GPIHBP1: variants seen among roughly 807,000 people sequenced by gnomAD.
The protein encoded by GPIHBP1 is glycosylphosphatidylinositol anchored high density lipoprotein binding protein 1, also known as glycosylphosphatidylinositol-anchored high density lipoprotein-binding protein 1.
In GPIHBP1, 11 loss-of-function variants were observed where a neutral mutation model predicts 13.0. The observed-to-expected ratio is 0.84, with a 90% CI of 0.53 to 1.40. The LOEUF is 1.40. Ranked by LOEUF, GPIHBP1 falls within the 40% of genes most tolerant of loss-of-function variation. The pLI is 0.00. For missense variants in GPIHBP1, 231 were observed against 241.1 expected, an observed-to-expected ratio of 0.96 and a Z score of 0.28; for synonymous variants, 106 against 102.2, an observed-to-expected ratio of 1.04 and a Z score of -0.22.
At chr8:143,213,788 T>A in intron 1 of GPIHBP1, 34 bp from the exon 2 acceptor site, 1 of 1,574,392 alleles carries the variant, frequency 6.4e-7, no homozygotes, top group Non-Finnish European at 8.6e-7. Flanking sequence ...CATACCCGGG[T>A]AGCTGAGGCT....
chr8:143,213,349 G>A, intron 1 of GPIHBP1, 30 bp downstream of exon 1: 1 of 1,568,292 alleles, frequency 6.4e-7, no homozygotes, highest in East Asian at 2.3e-5. Context: ...CCTGCGGTGA[G>A]GGGGCAGCAA....
chr8:143,215,504 G>A lies in GPIHBP1; in HGVS notation c.541G>A (p.Ala181Thr), dbSNP rs773445832. 1.9e-6 allele frequency: 3 copies of A among 1,603,278 alleles called. No individual in the cohort carries two copies. The Admixed American group carries it at 5.1e-5, about 27-fold the overall frequency. Residue 181 changes from alanine to threonine, a missense_variant, in exon 4 of 4, where the codon GCC becomes ACC. Ala to Thr is a moderately conservative substitution (Grantham distance 58). Coordinates refer to ENST00000622500, the MANE Select transcript of GPIHBP1 (RefSeq NM_178172.6). ...NLLAGLGAMG[A>T]RRP ...CCTTGCCGGCCTTGGAGCAATGGGG[G>A]CCAGGAGACCCTGACCCACGGCCCC... is the stretch of plus-strand genomic sequence containing the variant.
chr8:143,213,901 T>C lies in GPIHBP1; in HGVS notation c.132T>C (p.Asp44=). Reference sequence around the variant, plus strand: ...ATGACTACGACGAGGAAGATGAGGATGAGGTGGAAGAGGAGGAGACCAACA... The same window carrying C: ...ATGACTACGACGAGGAAGATGAGGACGAGGTGGAAGAGGAGGAGACCAACA... ...GPDDYDEEDE[D]EVEEEETNRL... Residue 44 remains aspartate (D), a synonymous_variant, in exon 2 of 4, where the codon GAT becomes GAC. Coordinates refer to ENST00000622500, the MANE Select transcript of GPIHBP1 (RefSeq NM_178172.6). The C allele has an allele frequency of 6.4e-7, 1 of 1,551,142 alleles. No individual in the cohort carries two copies. The highest frequency in any genetic ancestry group is 8.7e-7 in the Non-Finnish European group (1 of 1,146,936).
In GPIHBP1 at chr8:143,215,480, C is replaced by T. The variant is rs1816292182; in HGVS notation, c.517C>T (p.Leu173Phe). The T allele has an allele frequency of 1.2e-6, 2 of 1,610,470 alleles. No homozygotes were observed. The highest frequency in any genetic ancestry group is 1.7e-6 in the Non-Finnish European group (2 of 1,179,388). ...GGGCGCAGCCCTCCTGCTCAACCTCCTTGCCGGCCTTGGAGCAATGGGGGC... is the reference window on the plus strand; with the variant it reads ...GGGCGCAGCCCTCCTGCTCAACCTCTTTGCCGGCCTTGGAGCAATGGGGGC... ...TVGAALLLNLLAGLGAMGARR... is the reference protein window; with the variant it reads ...TVGAALLLNLFAGLGAMGARR... Residue 173 changes from leucine to phenylalanine, a missense_variant, in exon 4 of 4, where the codon CTT becomes TTT. Transcript: ENST00000622500.
rs984306467 is a variant in GPIHBP1 at position 143,216,519 on chromosome 8, C to G, written c.*1001C>G. On this transcript the variant is annotated 3_prime_UTR_variant, in exon 4 of 4. Coordinates refer to ENST00000622500, the MANE Select transcript of GPIHBP1 (RefSeq NM_178172.6). ...GGGGTGTCAGACAGGCTACCCTGTG[C>G]CAGGGAGGGGGCAGAATGGGCCTGC... 4 of 152,214 alleles carry G rather than the reference C, an allele frequency of 2.6e-5. No individual in the cohort carries two copies. In the East Asian group the frequency reaches 7.7e-4, roughly 29 times the overall value. The allele number at this position is 152,214 out of a possible 1,614,324, so 9.4% of individuals were successfully genotyped here.
chr8:143,215,150 A>T, intron 3 of GPIHBP1, 24 bp downstream of exon 3: 1 of 1,606,804 alleles, frequency 6.2e-7, no homozygotes, highest in Non-Finnish European at 8.5e-7. Context: ...GGGCCGCAGC[A>T]CATGCACCCC....
At chr8:143,213,608 G>A (rs987273111) in intron 1 of GPIHBP1, among the ~76,000 whole-genome samples, 2 of 66,258 alleles carry the variant, frequency 3.0e-5, no homozygotes, top group African/African-American at 7.7e-5. Flanking sequence ...ACAGTGAGTA[G>A]GGTGAGTAGG....
rs952189054 is a variant in GPIHBP1 at position 143,215,689 on chromosome 8, T to G, written c.*171T>G. On this transcript the variant is annotated 3_prime_UTR_variant, in exon 4 of 4. Coordinates refer to ENST00000622500, the MANE Select transcript of GPIHBP1 (RefSeq NM_178172.6). Reference sequence around the variant, plus strand: ...CGGTTGCTTCCTCAGTTCCCGGCTGTGTCCTTGGTGTCCTTTCTCCACCAC... The same window carrying G: ...CGGTTGCTTCCTCAGTTCCCGGCTGGGTCCTTGGTGTCCTTTCTCCACCAC... 14 of 617,138 alleles carry G rather than the reference T, an allele frequency of 2.3e-5. No individual in the cohort carries two copies. In the African/African-American group the frequency reaches 2.6e-4, roughly 11 times the overall value. The allele number at this position is 617,138 out of a possible 1,614,324, so 38.2% of individuals were successfully genotyped here.
intron 3 of GPIHBP1, 29 bp downstream of exon 3, chr8:143,215,155 C>T (rs1485703485): frequency 1.2e-6 from 2 of 1,608,770 alleles, no homozygotes; most frequent in East Asian, 2.2e-5. Flanking sequence ...GCAGCACATG[C>T]ACCCCCAGGC....
rs1015047668 is a variant in GPIHBP1 at position 143,214,421 on chromosome 8, C to A, written c.181+471C>A. 2.0e-5 allele frequency among the ~76,000 whole-genome samples: 3 copies of A among 152,080 alleles called. No individual in the cohort carries two copies. The highest frequency in any genetic ancestry group is 7.2e-5 in the African/African-American group (3 of 41,394). On this transcript the variant is annotated intron_variant, in intron 2 of 3. Coordinates refer to ENST00000622500, the MANE Select transcript of GPIHBP1 (RefSeq NM_178172.6). The surrounding 1 kb of genome is among the most constrained non-coding windows in gnomAD (Gnocchi z 4.1). The stretch of plus-strand genomic sequence containing the variant: ...CCACCCTCACTGCCCACCTGACACA[C>A]CCCTACACGTGGGCCACCCTCTGCT...
Position 143,215,348 on chromosome 8 carries a change from A to T in GPIHBP1, c.385A>T (p.Thr129Ser). The change falls in exon 4 of 4, where the codon ACC becomes TCC. Residue 129 changes from threonine to serine, a missense_variant. Thr to Ser is a moderately conservative substitution (Grantham distance 58). Transcript: ENST00000622500. ...KTVEGTQVTM[T>S]CCQSSLCNVP... ...GGTGGAGGGGACCCAGGTGACCATG[A>T]CCTGCTGCCAGTCCAGCCTGTGCAA... The T allele has an allele frequency of 1.9e-6, 3 of 1,612,738 alleles. No individual in the cohort carries two copies. Among genetic ancestry groups the T allele is most frequent in the Non-Finnish European group, 2.5e-6 (3 of 1,179,966 alleles).
Position 143,214,940 on chromosome 8 carries a change from C to G in GPIHBP1, c.182-73C>G. ...TAGGCTTTGGGAGCACAGCTGAGAA[C>G]GGGGAGGTGGACAGGGACGTGGGAG... On this transcript the variant is annotated intron_variant, in intron 2 of 3. Transcript: ENST00000622500. The surrounding 1 kb of genome is among the most constrained non-coding windows in gnomAD (Gnocchi z 4.1). The G allele has an allele frequency of 9.7e-7, 1 of 1,030,230 alleles. No individual in the cohort carries two copies. 63.8% of individuals were successfully genotyped at this position (1,030,230 alleles called of 1,614,324 possible). A position where few individuals can be genotyped will look rare whatever the true frequency, so the allele number is the denominator to read the frequency against.
In GPIHBP1 at chr8:143,216,105, CGGGGGGG is replaced by C. The variant is rs544120296; in HGVS notation, c.*590_*596del. The C allele has an allele frequency of 3.7e-5, 1 of 26,758 alleles. No homozygotes were observed. Among genetic ancestry groups the C allele is most frequent in the Non-Finnish European group, 6.9e-5 (1 of 14,596 alleles). 1.7% of individuals were successfully genotyped at this position (26,758 alleles called of 1,614,324 possible). On this transcript the variant is annotated 3_prime_UTR_variant, in exon 4 of 4. Coordinates refer to ENST00000622500, the MANE Select transcript of GPIHBP1 (RefSeq NM_178172.6). ...TGAGGCCACATGCGGAGGGGCGGGG[CGGGGGGG>C]GGCTGGGGGGACAGGCACCAAGTAT...
intron 3 of GPIHBP1, 41 bp from the exon 4 acceptor site, chr8:143,215,218 C>T: frequency 1.2e-6 from 2 of 1,612,848 alleles, no homozygotes; most frequent in Non-Finnish European, 1.7e-6. Context: ...CCTCAGAGAC[C>T]CCGCCCATCC....
At chr8:143,213,587 TCGGCTG>T (rs1270393664) in intron 1 of GPIHBP1, among the ~76,000 whole-genome samples, 3 of 151,210 alleles carry the variant, frequency 2.0e-5, no homozygotes, top group Non-Finnish European at 4.4e-5. Flanking sequence ...CAGGGCACAC[TCGGCTG>T]CAGGACAGTG....
Position 143,215,801 on chromosome 8 carries a change from G to A in GPIHBP1, c.*283G>A. The A allele has an allele frequency of 1.9e-6, 1 of 531,220 alleles. No homozygotes were observed. Among genetic ancestry groups the A allele is most frequent in the Non-Finnish European group, 3.4e-6 (1 of 297,450 alleles). 32.9% of individuals were successfully genotyped at this position (531,220 alleles called of 1,614,324 possible). ...GGACCTGCAGCCCTCATGGGGGCTG[G>A]GGATCCCCATCAGCACAGCCAGGCA... On this transcript the variant is annotated 3_prime_UTR_variant, in exon 4 of 4. Transcript: ENST00000622500.
Position 143,214,658 on chromosome 8 carries a change from CCT to C in GPIHBP1, c.182-354_182-353del, listed in dbSNP as rs1189634858. Among the ~76,000 whole-genome samples, 2 of 152,142 alleles carry C rather than the reference CCT, an allele frequency of 1.3e-5. No homozygotes were observed. Among genetic ancestry groups the C allele is most frequent in the Non-Finnish European group, 1.5e-5 (1 of 68,020 alleles). ...TGCCCCACACACCCACGAGGTGTCC[CCT>C]GTGAGGCCCTCCTCTGCCAGGCCTG... On this transcript the variant is annotated intron_variant, in intron 2 of 3. Coordinates refer to ENST00000622500, the MANE Select transcript of GPIHBP1 (RefSeq NM_178172.6). The surrounding 1 kb of genome is among the most constrained non-coding windows in gnomAD (Gnocchi z 4.1).
chr8:143,214,297 G>T lies in GPIHBP1; in HGVS notation c.181+347G>T, dbSNP rs1158724466. ...GTTTTGTGGGGCAGAGAGAGCAGCAGGGTGGGCCGGTCCTGTACAGGGGAG... is the reference window on the plus strand; with the variant it reads ...GTTTTGTGGGGCAGAGAGAGCAGCATGGTGGGCCGGTCCTGTACAGGGGAG... On this transcript the variant is annotated intron_variant, in intron 2 of 3. Transcript: ENST00000622500. The surrounding 1 kb of genome is among the most constrained non-coding windows in gnomAD (Gnocchi z 4.1). Among the ~76,000 whole-genome samples the T allele has an allele frequency of 6.6e-6, 1 of 152,060 alleles. No homozygotes were observed.
Position 143,215,467 on chromosome 8 carries a change from C to A in GPIHBP1, c.504C>A (p.Leu168=). ...RGSSETVGAA[L]LLNLLAGLGA... is the part of the protein sequence containing the mutation. ...GCTCCGAAACTGTGGGCGCAGCCCT[C>A]CTGCTCAACCTCCTTGCCGGCCTTG... The change falls in exon 4 of 4, where the codon CTC becomes CTA. Residue 168 remains leucine (L), a synonymous_variant. Transcript: ENST00000622500. The A allele has an allele frequency of 6.2e-7, 1 of 1,611,936 alleles. No individual in the cohort carries two copies. The highest frequency in any genetic ancestry group is 8.5e-7 in the Non-Finnish European group (1 of 1,179,778).
Sources: allele counts gnomAD v4.1 joint callset (sites outside exome capture counted in the v4.1 genomes callset), GRCh38; gene constraint gnomAD v4.1.1; non-coding constraint Gnocchi (gnomAD v3.1); transcripts MANE v1.5; gene names NCBI Gene and HGNC (gene_info 2026-07-23, HGNC 2026-07-21).